Variants in SLC44A5 observed in about 807,000 individuals in gnomAD.
SLC44A5 encodes the protein solute carrier family 44 member 5.
A neutral mutation model predicts 101.8 loss-of-function variants in SLC44A5; 57 were observed. The observed-to-expected ratio is 0.56, with a 90% confidence interval of 0.45 to 0.70. SLC44A5 has a LOEUF of 0.70. Among genes scored for constraint, SLC44A5 ranks in the 30% least tolerant of loss-of-function variants. SLC44A5 has a pLI of 0.00. For synonymous variants in SLC44A5, 281 were observed against 290.9 expected (o/e 0.97, Z 0.35); for missense variants, 737 against 853.1 (o/e 0.86, Z 1.70).
rs747839556 is a variant in SLC44A5, at chr1:75,217,879, G to T, written c.1611C>A (p.Asp537Glu). The part of the protein sequence containing the change: ...QMFKIVLEYL[D>E]HRLKRTQNTL... ...CTGAAATCTTACGTTTAAGACGGTG[G>T]TCCAAGTATTCTAGTACAATTTTAA... Residue 537 changes from aspartate (D) to glutamate (E), a missense_variant, in exon 18 of 24, where the codon GAC (aspartate) becomes GAA (glutamate). By Grantham distance (45) the Asp-to-Glu change is conservative. Around this residue, in one of 3 missense-constraint regions of SLC44A5, gnomAD observed 665 missense variants for 764.4 expected, o/e 0.87. Coordinates refer to ENST00000370859, the MANE Select transcript of SLC44A5 (RefSeq NM_001130058.2). The T allele has an allele frequency of 6.3e-7, 1 of 1,588,056 alleles. No homozygotes were observed. Among genetic ancestry groups the T allele is most frequent in the Admixed American group, 1.7e-5 (1 of 59,832 alleles).
chr1:75,231,695 T>C (rs1647587046), intron 12 of SLC44A5, among the ~76,000 whole-genome samples: 1 of 152,214 alleles, frequency 6.6e-6, no homozygotes, highest in Non-Finnish European at 1.5e-5. Context: ...ATTCCTGTTA[T>C]ATGATTGAGA....
chr1:75,554,585 A>C (rs1382271946), intron 1 of SLC44A5, among the ~76,000 whole-genome samples: 1 of 152,148 alleles, frequency 6.6e-6, no homozygotes. Context: ...ATACATTTGA[A>C]GAAATGAAAG....
At chr1:75,464,030 G>A (rs1377652612) in intron 2 of SLC44A5, among the ~76,000 whole-genome samples, 1 of 151,960 alleles carries the variant, frequency 6.6e-6, no homozygotes, top group South Asian at 2.1e-4. Flanking sequence ...AGATCATCCT[G>A]GCTAACATGG....
chr1:75,259,894 G>T (rs537989769), intron 6 of SLC44A5, among the ~76,000 whole-genome samples: 1 of 152,272 alleles, frequency 6.6e-6, no homozygotes, highest in East Asian at 1.9e-4. Flanking sequence ...TTAAAGAAAA[G>T]AATTTTCAAC....
At chr1:75,426,616 C>A (rs779600218) in intron 2 of SLC44A5, among the ~76,000 whole-genome samples, 12 of 152,190 alleles carry the variant, frequency 7.9e-5, no homozygotes, top group Admixed American at 6.5e-5. Flanking sequence ...AATCTGAATG[C>A]CCTTTCTAGA....
intron 5 of SLC44A5, among the ~76,000 whole-genome samples, chr1:75,287,332 G>T (rs1178384888): frequency 7.1e-6 from 1 of 139,970 alleles, no homozygotes; most frequent in Admixed American, 7.1e-5. Flanking sequence ...AGATTTTTCT[G>T]TTCATATTCT....
chr1:75,446,742 TTC>T (rs1278207953), intron 2 of SLC44A5, among the ~76,000 whole-genome samples: 2 of 152,084 alleles, frequency 1.3e-5, no homozygotes, highest in African/African-American at 4.8e-5. Flanking sequence ...CATGACTAAA[TTC>T]TCTCTTTCTA....
rs141270132 is a variant in SLC44A5, at chr1:75,457,957, T to G, written c.14-61336A>C. 4.9e-3 allele frequency among the ~76,000 whole-genome samples: 749 copies of G among 152,232 alleles called. 5 individuals are homozygous for G. Among genetic ancestry groups the G allele is most frequent in the Non-Finnish European group, 8.7e-3 (594 of 68,026 alleles). The stretch of plus-strand genomic sequence containing the variant: ...TCAGGACCACATTCCTTGTAGCATG[T>G]GTCAAACCCTGAGGATACAAAGACT... On this transcript the variant is annotated intron_variant, in intron 2 of 23. Coordinates refer to ENST00000370859, the MANE Select transcript of SLC44A5 (RefSeq NM_001130058.2).
At chr1:75,454,157 C>T (rs1408263785) in intron 2 of SLC44A5, among the ~76,000 whole-genome samples, 1 of 152,086 alleles carries the variant, frequency 6.6e-6, no homozygotes, top group Non-Finnish European at 1.5e-5. Context: ...CAACAAAACA[C>T]TAGCAACATG....
intron 2 of SLC44A5, among the ~76,000 whole-genome samples, chr1:75,464,717 A>T (rs543540477): frequency 6.6e-6 from 1 of 152,310 alleles, no homozygotes; most frequent in South Asian, 2.1e-4. Context: ...AAACCAAAAG[A>T]CAGCAGGAGT....
intron 2 of SLC44A5, among the ~76,000 whole-genome samples, chr1:75,522,997 T>C (rs1670220938): frequency 6.6e-6 from 1 of 152,196 alleles, no homozygotes; most frequent in Admixed American, 6.5e-5. Flanking sequence ...CTAGTACAAG[T>C]GCAGCTAGAA....
the SLC44A5 span, among the ~76,000 whole-genome samples, chr1:75,701,241 G>A: frequency 6.6e-5 from 10 of 152,124 alleles, no homozygotes; most frequent in South Asian, 2.1e-4. Flanking sequence ...GATGAACATC[G>A]ATGCAAAAAT....
intron 1 of SLC44A5, among the ~76,000 whole-genome samples, chr1:75,593,480 G>C (rs1333673998): frequency 6.6e-6 from 1 of 151,998 alleles, no homozygotes; most frequent in African/African-American, 2.4e-5. Context: ...CAATCCCACT[G>C]CTAGATATAT....
At chr1:75,443,150 T>C (rs1272023482) in intron 2 of SLC44A5, among the ~76,000 whole-genome samples, 1 of 152,170 alleles carries the variant, frequency 6.6e-6, no homozygotes, top group African/African-American at 2.4e-5. Flanking sequence ...AGCAATTTCC[T>C]ATGGTTTAAG....
intron 3 of SLC44A5, among the ~76,000 whole-genome samples, chr1:75,344,815 T>C (rs1230895181): frequency 6.6e-6 from 1 of 152,088 alleles, no homozygotes; most frequent in Non-Finnish European, 1.5e-5. Flanking sequence ...AAATTTGTGT[T>C]TTTCTAAGCC....
intron 2 of SLC44A5, among the ~76,000 whole-genome samples, chr1:75,406,091 CAAAT>C: frequency 6.6e-6 from 1 of 152,234 alleles, no homozygotes; most frequent in East Asian, 1.9e-4. Context: ...CACCTCTACA[CAAAT>C]AAACTAGAAA....
At chr1:75,538,476 A>G (rs1480013592) in intron 2 of SLC44A5, among the ~76,000 whole-genome samples, 1 of 152,242 alleles carries the variant, frequency 6.6e-6, no homozygotes, top group Non-Finnish European at 1.5e-5. Flanking sequence ...TTTACAATAA[A>G]GCATTGTCTT....
chr1:75,547,360 G>C (rs778906260), intron 1 of SLC44A5, among the ~76,000 whole-genome samples: 8 of 152,158 alleles, frequency 5.3e-5, no homozygotes, highest in Non-Finnish European at 8.8e-5. Context: ...ATTGCACCCA[G>C]ATCAGCCACA....
chr1:75,629,843 G>A, the SLC44A5 span, among the ~76,000 whole-genome samples: 1 of 152,046 alleles, frequency 6.6e-6, no homozygotes, highest in Non-Finnish European at 1.5e-5. Context: ...AAAGAAATGA[G>A]GTGTAAAACA....
Sources: allele counts gnomAD v4.1 joint callset (sites outside exome capture counted in the v4.1 genomes callset), GRCh38; gene constraint gnomAD v4.1.1; regional missense constraint gnomAD v4.1.1; transcripts MANE v1.5; gene names NCBI Gene and HGNC (gene_info 2026-07-23, HGNC 2026-07-21).